The following ANKS1B variants were observed in gnomAD, a reference collection of about 807,000 sequenced individuals.
ANKS1B encodes the protein ankyrin repeat and sterile alpha motif domain-containing protein 1B.
Under a neutral mutation model 148.3 loss-of-function variants are expected in ANKS1B, and 36 were observed. That is an observed-to-expected ratio of 0.24 (90% CI 0.19 to 0.32). The LOEUF (loss-of-function observed/expected upper bound fraction) is 0.32. Ranked by LOEUF, ANKS1B falls within the 10% of genes least tolerant of loss-of-function variation. The pLI is 1.00. For synonymous variants in ANKS1B, 542 were observed against 560.8 expected (o/e 0.97, Z 0.47); for missense variants, 1,157 against 1,542.6 (o/e 0.75, Z 4.19).
chr12:98,984,960 A>G (rs2099922391), intron 17 of ANKS1B, among the ~76,000 whole-genome samples: 2 of 152,196 alleles, frequency 1.3e-5, no homozygotes, highest in South Asian at 4.1e-4. Flanking sequence ...GCAGTGAACT[A>G]TGATTGTGCC....
intron 1 of ANKS1B, among the ~76,000 whole-genome samples, chr12:99,911,936 T>C (rs778511692): frequency 6.6e-6 from 1 of 152,182 alleles, no homozygotes; most frequent in Non-Finnish European, 1.5e-5. Flanking sequence ...TACATTTAGA[T>C]ATATAAATGG....
At chr12:99,759,538 C>T (rs1477355006) in intron 8 of ANKS1B, among the ~76,000 whole-genome samples, 1 of 151,976 alleles carries the variant, frequency 6.6e-6, no homozygotes, top group African/African-American at 2.4e-5. Context: ...AGCATTTCCT[C>T]GGACACAGAG....
intron 12 of ANKS1B, among the ~76,000 whole-genome samples, chr12:99,317,029 G>T (rs1602782261): frequency 1.3e-5 from 2 of 149,870 alleles, no homozygotes; most frequent in Admixed American, 1.3e-4. Context: ...ATTGGTCTGT[G>T]TGTGTTTTGG....
chr12:99,187,115 A>G (rs532788524), intron 14 of ANKS1B, among the ~76,000 whole-genome samples: 2 of 152,112 alleles, frequency 1.3e-5, no homozygotes, highest in African/African-American at 4.8e-5. Flanking sequence ...TAATGAAATC[A>G]AGCATGAAGA....
intron 11 of ANKS1B, among the ~76,000 whole-genome samples, chr12:99,410,327 C>G (rs942131337): frequency 2.3e-4 from 34 of 147,132 alleles, no homozygotes; most frequent in African/African-American, 8.1e-4. Context: ...CTATTTTACT[C>G]TCTGATCTTT....
intron 1 of ANKS1B, among the ~76,000 whole-genome samples, chr12:99,974,836 T>G (rs2095606401): frequency 6.6e-6 from 1 of 152,196 alleles, no homozygotes; most frequent in Non-Finnish European, 1.5e-5. Context: ...ATTACGGGCA[T>G]GAGCCACTGT....
chr12:99,237,995 G>T (rs2088348885), intron 14 of ANKS1B, among the ~76,000 whole-genome samples: 1 of 152,206 alleles, frequency 6.6e-6, no homozygotes, highest in Admixed American at 6.5e-5. Flanking sequence ...CAGAAGATGG[G>T]TGATTTCTGC....
chr12:98,797,418 A>T (rs978834120), intron 22 of ANKS1B, among the ~76,000 whole-genome samples: 2 of 152,226 alleles, frequency 1.3e-5, no homozygotes, highest in African/African-American at 4.8e-5. Flanking sequence ...AAATGGGGAC[A>T]ATAATTGTAC....
chr12:98,811,271 C>G (rs1482717343), intron 19 of ANKS1B, among the ~76,000 whole-genome samples: 1 of 152,112 alleles, frequency 6.6e-6, no homozygotes, highest in Non-Finnish European at 1.5e-5. Context: ...CTCAGCCCTC[C>G]TAGGACACAT....
intron 12 of ANKS1B, among the ~76,000 whole-genome samples, chr12:99,320,504 T>C (rs909321318): frequency 1.3e-5 from 2 of 152,332 alleles, no homozygotes; most frequent in South Asian, 4.1e-4. Context: ...AGCTTGTGCA[T>C]GCATCATGTA....
chr12:98,915,017 C>T (rs1407693700), intron 17 of ANKS1B, among the ~76,000 whole-genome samples: 2 of 152,178 alleles, frequency 1.3e-5, no homozygotes, highest in Admixed American at 1.3e-4. Flanking sequence ...CTGCTACATC[C>T]TCAGCATCAG....
chr12:99,773,366 C>A (rs769682177), intron 7 of ANKS1B, among the ~76,000 whole-genome samples: 8 of 152,106 alleles, frequency 5.3e-5, no homozygotes, highest in African/African-American at 1.9e-4. Flanking sequence ...TCTGGAATTA[C>A]AATTCCCAAA....
intron 12 of ANKS1B, among the ~76,000 whole-genome samples, chr12:99,342,168 G>T (rs1231604803): frequency 6.6e-6 from 1 of 152,012 alleles, no homozygotes; most frequent in Non-Finnish European, 1.5e-5. Context: ...GAAAAAGTAT[G>T]CATTAATTAA....
intron 10 of ANKS1B, among the ~76,000 whole-genome samples, chr12:99,476,086 T>C (rs759593940): frequency 2.0e-5 from 3 of 152,172 alleles, no homozygotes; most frequent in Non-Finnish European, 4.4e-5. Context: ...AAAAGATTGA[T>C]ATATTTCATT....
At chr12:99,667,203 G>A (rs2098512754) in intron 8 of ANKS1B, among the ~76,000 whole-genome samples, 1 of 151,852 alleles carries the variant, frequency 6.6e-6, no homozygotes, top group African/African-American at 2.4e-5. Context: ...AAAAAGTTTA[G>A]CCAGGTGTGG....
chr12:99,707,803 T>C (rs1472557082), intron 8 of ANKS1B, among the ~76,000 whole-genome samples: 1 of 152,100 alleles, frequency 6.6e-6, no homozygotes, highest in Non-Finnish European at 1.5e-5. Context: ...TTCGCTGTCT[T>C]AGAGTTATTA....
intron 15 of ANKS1B, among the ~76,000 whole-genome samples, chr12:99,109,369 C>T (rs550977626): frequency 1.8e-4 from 27 of 152,126 alleles, no homozygotes; most frequent in Non-Finnish European, 3.1e-4. Context: ...GCTTTCATTA[C>T]GTGCCAGGCC....
At chr12:98,978,800 T>C (rs1402257348) in intron 17 of ANKS1B, among the ~76,000 whole-genome samples, 1 of 152,152 alleles carries the variant, frequency 6.6e-6, no homozygotes, top group African/African-American at 2.4e-5. Flanking sequence ...TAACAGTGTA[T>C]ATAATAATAA....
intron 9 of ANKS1B, among the ~76,000 whole-genome samples, chr12:99,510,983 ACTT>A (rs889776451): frequency 1.8e-4 from 27 of 151,796 alleles, no homozygotes; most frequent in African/African-American, 6.3e-4. Context: ...ATATTGTTTG[ACTT>A]CTTCTCTTCC....
Sources: allele counts gnomAD v4.1 joint callset (sites outside exome capture counted in the v4.1 genomes callset), GRCh38; gene constraint gnomAD v4.1.1; transcripts MANE v1.5; gene names NCBI Gene and HGNC (gene_info 2026-07-23, HGNC 2026-07-21).